RBMS1: variants seen among roughly 807,000 people sequenced by gnomAD.
The protein encoded by RBMS1 is RNA binding motif single stranded interacting protein 1, also known as RNA-binding motif, single-stranded-interacting protein 1.
A neutral mutation model predicts 62.3 loss-of-function variants in RBMS1; 17 were observed. The observed-to-expected ratio is 0.27, with a 90% CI of 0.19 to 0.41. The LOEUF (loss-of-function observed/expected upper bound fraction) is 0.41, where lower values mean the gene tolerates loss of function less well. Among genes scored for constraint, RBMS1 ranks in the 10% least tolerant of loss-of-function variants. RBMS1 has a pLI of 1.00. For synonymous variants in RBMS1, 172 were observed against 170.0 expected, an observed-to-expected ratio of 1.01 and a Z score of -0.09; for missense variants, 334 against 504.5, an observed-to-expected ratio of 0.66 and a Z score of 3.24.
intron 1 of RBMS1, among the ~76,000 whole-genome samples, chr2:160,481,696 A>T (rs976127145): frequency 3.9e-5 from 6 of 152,326 alleles, no homozygotes; most frequent in Non-Finnish European, 7.3e-5. Context: ...ATGATCAAAA[A>T]ATTTGCAAAA....
chr2:160,280,221 A>G lies in RBMS1; in HGVS notation c.951+1093T>C, dbSNP rs534770385. Reference sequence around the variant, plus strand: ...AGATTGCTATGGGCATGTGTGGATCAGTGCATGTATATTATGTACACATGT... The same window carrying G: ...AGATTGCTATGGGCATGTGTGGATCGGTGCATGTATATTATGTACACATGT... On this transcript the variant is annotated intron_variant, in intron 10 of 13. Transcript: ENST00000348849. Among the ~76,000 whole-genome samples, 82 of 152,172 alleles carry G rather than the reference A, an allele frequency of 5.4e-4. 1 individual carries two copies. Among genetic ancestry groups the G allele is most frequent in the African/African-American group, 1.6e-3 (67 of 41,512 alleles).
In RBMS1 at chr2:160,275,731, A is replaced by T; in HGVS notation, c.1144-17T>A. The T allele has an allele frequency of 6.2e-7, 1 of 1,613,544 alleles. No individual in the cohort carries two copies. The highest frequency in any genetic ancestry group is 8.5e-7 in the Non-Finnish European group (1 of 1,179,554). ...ACTTGCCTCCTACAACAAACAAAGC[A>T]GAATGGATGAGACATGTTAGTGAAA... On this transcript the variant is annotated splice_polypyrimidine_tract_variant and intron_variant, in intron 12 of 13. Transcript: ENST00000348849.
At position 160,493,383 on chromosome 2, in the gene RBMS1, C is replaced by T; in HGVS notation, c.-20G>A. On this transcript the variant is annotated 5_prime_UTR_variant, in exon 1 of 14. Coordinates refer to ENST00000348849, the MANE Select transcript of RBMS1 (RefSeq NM_016836.4). ...GCCCATGAAGCTGGAAGGGAGCCTGCCGTGCAGGGTCGCGGACACTTTGGG... is the reference window on the plus strand; with the variant it reads ...GCCCATGAAGCTGGAAGGGAGCCTGTCGTGCAGGGTCGCGGACACTTTGGG... The T allele has an allele frequency of 1.2e-6, 2 of 1,611,408 alleles. No individual in the cohort carries two copies. The highest frequency in any genetic ancestry group is 1.7e-6 in the Non-Finnish European group (2 of 1,177,876).
chr2:160,286,104 C>G (rs1463622461), intron 7 of RBMS1, among the ~76,000 whole-genome samples: 1 of 151,428 alleles, frequency 6.6e-6, no homozygotes, highest in Non-Finnish European at 1.5e-5. Context: ...GAGCAAGACT[C>G]CATCTCAAAA....
intron 6 of RBMS1, among the ~76,000 whole-genome samples, chr2:160,291,031 T>TA (rs1397376810): frequency 1.3e-5 from 2 of 152,214 alleles, no homozygotes; most frequent in African/African-American, 4.8e-5. Flanking sequence ...ATATTTGTAC[T>TA]AAAAAATCAC....
At chr2:160,331,055 T>C (rs955298527) in intron 2 of RBMS1, among the ~76,000 whole-genome samples, 3 of 152,084 alleles carry the variant, frequency 2.0e-5, no homozygotes, top group Non-Finnish European at 4.4e-5. Flanking sequence ...CTACCAAAGC[T>C]GGAAGAGGTA....
At chr2:160,428,300 G>T (rs1396925639) in intron 1 of RBMS1, among the ~76,000 whole-genome samples, 1 of 152,146 alleles carries the variant, frequency 6.6e-6, no homozygotes, top group African/African-American at 2.4e-5. Context: ...GAAAACACCG[G>T]ATGTAATCGA....
chr2:160,444,465 C>T (rs186238639), intron 1 of RBMS1, among the ~76,000 whole-genome samples: 16 of 152,246 alleles, frequency 1.1e-4, no homozygotes, highest in East Asian at 5.8e-4. Context: ...GTGTACTTTG[C>T]GTGTCTTACT....
At chr2:160,466,711 A>T (rs771020948) in intron 1 of RBMS1, among the ~76,000 whole-genome samples, 11 of 152,270 alleles carry the variant, frequency 7.2e-5, no homozygotes, top group Admixed American at 1.3e-4. Context: ...GTGGATAAGT[A>T]ACTTAAGTGA....
At chr2:160,482,205 A>T (rs1685399352) in intron 1 of RBMS1, among the ~76,000 whole-genome samples, 1 of 152,240 alleles carries the variant, frequency 6.6e-6, no homozygotes, top group African/African-American at 2.4e-5. Context: ...GAGGCCAGAC[A>T]GAAAAGGATA....
rs751987685 is a variant in RBMS1, at chr2:160,379,163, G to A, written c.76-11772C>T. On this transcript the variant is annotated intron_variant, in intron 1 of 13. Transcript: ENST00000348849. Reference sequence around the variant, plus strand: ...GAGCCCAGTTGGCAGAGGTTGCAGTGATCAGAGTGTGCACCATTGCACCCC... The same window carrying A: ...GAGCCCAGTTGGCAGAGGTTGCAGTAATCAGAGTGTGCACCATTGCACCCC... 7.9e-5 allele frequency among the ~76,000 whole-genome samples: 12 copies of A among 151,668 alleles called. 1 individual carries two copies. The highest frequency in any genetic ancestry group is 1.5e-5 in the Non-Finnish European group (1 of 67,986).
chr2:160,481,358 T>TA (rs373909477), intron 1 of RBMS1, among the ~76,000 whole-genome samples: 60,110 of 126,610 alleles, frequency 0.47, 14,030 homozygotes, highest in Admixed American at 0.58. Context: ...GTAGGAAATG[T>TA]AAAAAAAAAA....
In RBMS1 at chr2:160,341,669, T is replaced by C. The variant is rs144828244; in HGVS notation, c.252-23442A>G. Among the ~76,000 whole-genome samples the C allele has an allele frequency of 3.5e-4, 53 of 152,264 alleles. No homozygotes were observed. The East Asian group carries it at 7.5e-3, about 22-fold the overall frequency. ...CCCTGTTTTTAGGGACTCCTAGAAA[T>C]GGGTGTTCATAAATAGGGAGGCAAT... On this transcript the variant is annotated intron_variant, in intron 2 of 13. Coordinates refer to ENST00000348849, the MANE Select transcript of RBMS1 (RefSeq NM_016836.4).
intron 1 of RBMS1, among the ~76,000 whole-genome samples, chr2:160,389,141 C>T (rs1372883368): frequency 6.6e-6 from 1 of 152,182 alleles, no homozygotes; most frequent in Non-Finnish European, 1.5e-5. Flanking sequence ...ACAATTCTTG[C>T]TGAGATAATG....
intron 2 of RBMS1, among the ~76,000 whole-genome samples, chr2:160,342,114 A>G (rs1226762677): frequency 6.6e-6 from 1 of 152,140 alleles, no homozygotes; most frequent in East Asian, 1.9e-4. Flanking sequence ...ACTTGGCATA[A>G]TATCATTAAA....
At chr2:160,437,453 T>C (rs1683154910) in intron 1 of RBMS1, among the ~76,000 whole-genome samples, 1 of 152,246 alleles carries the variant, frequency 6.6e-6, no homozygotes, top group Admixed American at 6.5e-5. Context: ...TTGCCAGTTC[T>C]GTCAGAAATG....
chr2:160,344,970 G>C (rs1416067551), intron 2 of RBMS1, among the ~76,000 whole-genome samples: 1 of 152,096 alleles, frequency 6.6e-6, no homozygotes. Context: ...GAGTCTCTTA[G>C]GTTTGGTGGT....
chr2:160,479,049 G>T (rs1685256580), intron 1 of RBMS1, among the ~76,000 whole-genome samples: 1 of 152,172 alleles, frequency 6.6e-6, no homozygotes, highest in Non-Finnish European at 1.5e-5. Context: ...GCCTCACTGG[G>T]TTGTTGTTGT....
chr2:160,440,291 T>C (rs1457332323), intron 1 of RBMS1, among the ~76,000 whole-genome samples: 1 of 152,092 alleles, frequency 6.6e-6, no homozygotes, highest in Non-Finnish European at 1.5e-5. Context: ...ATCTCCTATC[T>C]GAGGCAGGAC....
Sources: gnomAD v4.1 joint callset for allele counts (sites outside exome capture counted in the v4.1 genomes callset) on GRCh38, gnomAD v4.1.1 for gene constraint, MANE v1.5 for transcripts, NCBI Gene and HGNC (gene_info 2026-07-23, HGNC 2026-07-21) for gene names.